Variants in RNLS observed in about 807,000 individuals in gnomAD.
The protein encoded by RNLS is renalase.
Under a neutral mutation model 39.8 loss-of-function variants are expected in RNLS, and 39 were observed. That is an observed-to-expected ratio of 0.98 (90% confidence interval 0.76 to 1.28). The LOEUF (loss-of-function observed/expected upper bound fraction) is 1.28. RNLS is among the 50% of genes most tolerant of loss of function. The probability of loss-of-function intolerance (pLI) is 0.00; values close to 1 mark genes in which losing one functional copy is unlikely to be tolerated. For synonymous variants in RNLS, 147 were observed against 150.7 expected (o/e 0.98, Z 0.18); for missense variants, 410 against 413.3 (o/e 0.99, Z 0.07).
chr10:88,287,923 C>A lies in RNLS; in HGVS notation c.877-2417G>T, dbSNP rs114151059. 2.5e-3 allele frequency among the ~76,000 whole-genome samples: 385 copies of A among 152,156 alleles called. 1 individual carries two copies. The highest frequency in any genetic ancestry group is 8.8e-3 in the African/African-American group (364 of 41,528). On this transcript the variant is annotated intron_variant, in intron 6 of 6. Coordinates refer to ENST00000331772, the MANE Select transcript of RNLS (RefSeq NM_001031709.3). ...ATGAGACTTGGATGGGGACACAGAG[C>A]CAAACCATATTGGGATGCTATATAA...
chr10:88,558,080 T>G (rs1186897299), intron 4 of RNLS, among the ~76,000 whole-genome samples: 2 of 152,168 alleles, frequency 1.3e-5, no homozygotes, highest in Non-Finnish European at 2.9e-5. Context: ...ACACATCTAC[T>G]GACAGCATGT....
At chr10:88,251,272 A>G in the RNLS span, among the ~76,000 whole-genome samples, 2 of 152,244 alleles carry the variant, frequency 1.3e-5, no homozygotes, top group Non-Finnish European at 2.9e-5. Flanking sequence ...TGGGTTTGCC[A>G]GCATCCTGCA....
rs144694124 is a variant in RNLS at position 88,559,738 on chromosome 10, A to G, written c.526+13165T>C. Among the ~76,000 whole-genome samples, 696 of 152,180 alleles carry G rather than the reference A, an allele frequency of 4.6e-3. 14 individuals are homozygous for G. The highest frequency in any genetic ancestry group is 8.9e-3 in the East Asian group (46 of 5,184). The stretch of plus-strand genomic sequence containing the variant: ...GGCACTCACAAAGGAATCCTGGGAA[A>G]ACAGGAACAGGTAAGTCCAAGCAAG... On this transcript the variant is annotated intron_variant, in intron 4 of 6. Coordinates refer to ENST00000331772, the MANE Select transcript of RNLS (RefSeq NM_001031709.3).
chr10:88,219,043 T>C, the RNLS span, among the ~76,000 whole-genome samples: 29,921 of 152,132 alleles, frequency 0.2, 3,046 homozygotes, highest in African/African-American at 0.24. Flanking sequence ...GGGTAACTAA[T>C]TGTGTCCTAT....
intron 4 of RNLS, among the ~76,000 whole-genome samples, chr10:88,569,753 C>T (rs1031986331): frequency 6.6e-6 from 1 of 152,108 alleles, no homozygotes; most frequent in African/African-American, 2.4e-5. Context: ...GTTGGGACAA[C>T]TGGCTAGCCA....
At chr10:88,272,357 TTCTTGAC>T (rs1275416168), downstream of RNLS, among the ~76,000 whole-genome samples, 2 of 152,194 alleles carry the variant, frequency 1.3e-5, no homozygotes, top group African/African-American at 4.8e-5. Flanking sequence ...TTAAAAAAGC[TTCTTGAC>T]TCACTAAATT....
chr10:88,575,734 A>G (rs903403939), intron 3 of RNLS, among the ~76,000 whole-genome samples: 14 of 152,182 alleles, frequency 9.2e-5, no homozygotes, highest in African/African-American at 3.4e-4. Flanking sequence ...CTCAAGAGTT[A>G]TGTCTGAGCT....
downstream of RNLS, among the ~76,000 whole-genome samples, chr10:88,279,107 C>T (rs17110582): frequency 7.7e-3 from 1,173 of 152,206 alleles, 13 homozygotes; most frequent in African/African-American, 0.026. Flanking sequence ...CATGCAAGGT[C>T]TCTGAAAGAG....
At chr10:88,490,642 T>C (rs886758722) in intron 4 of RNLS, among the ~76,000 whole-genome samples, 1 of 152,218 alleles carries the variant, frequency 6.6e-6, no homozygotes, top group Non-Finnish European at 1.5e-5. Context: ...TTTTTTAAAA[T>C]GTGCATTCAT....
At chr10:88,384,465 T>C (rs560759100) in intron 4 of RNLS, among the ~76,000 whole-genome samples, 1 of 152,352 alleles carries the variant, frequency 6.6e-6, no homozygotes, top group Admixed American at 6.5e-5. Flanking sequence ...ACCTAGGCTT[T>C]GCAGCCAGGA....
At chr10:88,232,916 C>T in the RNLS span, among the ~76,000 whole-genome samples, 2 of 152,224 alleles carry the variant, frequency 1.3e-5, no homozygotes, top group Admixed American at 1.3e-4. Flanking sequence ...GGAGTACCTA[C>T]TATGGGTCAG....
At chr10:88,500,997 A>G (rs1845443179) in intron 4 of RNLS, among the ~76,000 whole-genome samples, 1 of 144,018 alleles carries the variant, frequency 6.9e-6, no homozygotes, top group African/African-American at 2.5e-5. Context: ...ATGTATATAT[A>G]TGTGTGTGTG....
At chr10:88,454,168 G>A (rs544805405) in intron 4 of RNLS, among the ~76,000 whole-genome samples, 3 of 152,276 alleles carry the variant, frequency 2.0e-5, no homozygotes, top group Non-Finnish European at 4.4e-5. Context: ...GGTGAGAGAA[G>A]AGATAATCCT....
intron 4 of RNLS, among the ~76,000 whole-genome samples, chr10:88,389,352 G>A (rs909910433): frequency 6.6e-6 from 1 of 151,970 alleles, no homozygotes; most frequent in South Asian, 2.1e-4. Flanking sequence ...TTTTTTGACA[G>A]TCTGTGGAGC....
rs61855398 is a variant in RNLS, at chr10:88,356,821, A to C, written c.700+5731T>G. 9.0e-5 allele frequency among the ~76,000 whole-genome samples: 8 copies of C among 88,460 alleles called. 1 individual carries two copies. Among genetic ancestry groups the C allele is most frequent in the South Asian group, 3.9e-4 (1 of 2,580 alleles). The allele number at this position is 88,460 out of a possible 152,430, so 58.0% of individuals were successfully genotyped here. ...TTGTCTTAATCTCCTCAGATTGCTG[A>C]CTATTGGCTATTGGCCATCACATCT... On this transcript the variant is annotated intron_variant, in intron 5 of 6. Coordinates refer to ENST00000331772, the MANE Select transcript of RNLS (RefSeq NM_001031709.3).
At chr10:88,426,563 G>T (rs1854781568) in intron 4 of RNLS, among the ~76,000 whole-genome samples, 1 of 151,976 alleles carries the variant, frequency 6.6e-6, no homozygotes, top group Non-Finnish European at 1.5e-5. Context: ...AAGAAATTTT[G>T]TTATTTCTAA....
intron 5 of RNLS, among the ~76,000 whole-genome samples, chr10:88,348,088 C>G (rs538380772): frequency 1.3e-5 from 2 of 152,248 alleles, no homozygotes; most frequent in East Asian, 1.9e-4. Context: ...GTGACCCTTG[C>G]TGGTTTTCCC....
intron 4 of RNLS, among the ~76,000 whole-genome samples, chr10:88,370,487 G>A (rs1199605608): frequency 6.6e-6 from 1 of 152,112 alleles, no homozygotes; most frequent in African/African-American, 2.4e-5. Context: ...CATATATAAA[G>A]CATTTTAGCT....
chr10:88,508,724 C>G (rs953629220), intron 4 of RNLS, among the ~76,000 whole-genome samples: 5 of 152,046 alleles, frequency 3.3e-5, no homozygotes, highest in African/African-American at 1.2e-4. Flanking sequence ...CATAATTCCC[C>G]TCTACTGCTT....
Sources: allele counts gnomAD v4.1 joint callset (sites outside exome capture counted in the v4.1 genomes callset), GRCh38; gene constraint gnomAD v4.1.1; transcripts MANE v1.5; gene names NCBI Gene and HGNC (gene_info 2026-07-23, HGNC 2026-07-21).